Variants in CFAP57 observed in about 807,000 individuals in gnomAD.
CFAP57 encodes the protein cilia- and flagella-associated protein 57.
Under a neutral mutation model 146.8 loss-of-function variants are expected in CFAP57, and 116 were observed. That is an observed-to-expected ratio of 0.79 (90% CI 0.68 to 0.92). The LOEUF (loss-of-function observed/expected upper bound fraction) is 0.92. CFAP57 is among the 40% of genes least tolerant of loss of function. The pLI, the probability that CFAP57 is intolerant of heterozygous loss-of-function variation, is 0.00. For missense variants in CFAP57, 1,377 were observed against 1,527.2 expected (o/e 0.90, Z 1.64); for synonymous variants, 518 against 552.8 (o/e 0.94, Z 0.88).
intron 2 of CFAP57, among the ~76,000 whole-genome samples, chr1:43,176,169 T>C (rs1475872762): frequency 6.6e-6 from 1 of 152,124 alleles, no homozygotes; most frequent in Admixed American, 6.5e-5. Flanking sequence ...AGAGACAGCC[T>C]GGGAAGAAAC....
intron 18 of CFAP57, among the ~76,000 whole-genome samples, chr1:43,229,113 G>C (rs1645370093): frequency 6.7e-6 from 1 of 149,060 alleles, no homozygotes; most frequent in Non-Finnish European, 1.5e-5. Context: ...AGGAAGAGCA[G>C]AGGCCCCACC....
intron 9 of CFAP57, among the ~76,000 whole-genome samples, chr1:43,204,462 A>T (rs946716820): frequency 1.3e-5 from 2 of 152,062 alleles, no homozygotes; most frequent in African/African-American, 4.8e-5. Context: ...TAGACAATAT[A>T]TTGTAGCAGT....
chr1:43,244,603 A>G (rs562234576), intron 22 of CFAP57, among the ~76,000 whole-genome samples: 43 of 152,256 alleles, frequency 2.8e-4, no homozygotes, highest in African/African-American at 9.9e-4. Flanking sequence ...AGCGTGTGTC[A>G]TAAAGACTGA....
intron 13 of CFAP57, 113 bp downstream of exon 13, chr1:43,219,650 T>C: frequency 7.5e-7 from 1 of 1,327,968 alleles, no homozygotes; most frequent in Non-Finnish European, 1.0e-6. Context: ...TGTGAAAATG[T>C]CCAATTTTAA....
chr1:43,176,319 G>C (rs372803237), intron 2 of CFAP57, among the ~76,000 whole-genome samples: 2 of 152,182 alleles, frequency 1.3e-5, no homozygotes, highest in Non-Finnish European at 2.9e-5. Flanking sequence ...AAGGGGTACA[G>C]CCAGAGAAAG....
chr1:43,243,090 C>A, intron 21 of CFAP57, 137 bp from the exon 22 acceptor site: 1 of 1,043,592 alleles, frequency 9.6e-7, no homozygotes, highest in Non-Finnish European at 1.3e-6. Flanking sequence ...AAGGCTCAGG[C>A]CCCAATAGAG....
At chr1:43,222,031 C>T (rs79533911) in intron 14 of CFAP57, 74 bp from the exon 15 acceptor site, 38,515 of 1,323,468 alleles carry the variant, frequency 0.029, 884 homozygotes, top group African/African-American at 0.1. Context: ...GATGGGAGAG[C>T]GCCCAAGGCT....
At chr1:43,198,383 T>C in intron 7 of CFAP57, 98 bp from the exon 8 acceptor site, 1 of 1,346,852 alleles carries the variant, frequency 7.4e-7, no homozygotes, top group Non-Finnish European at 1.0e-6. Flanking sequence ...CAGTAGTGTG[T>C]CTCAAATACG....
intron 11 of CFAP57, chr1:43,210,233 G>A: frequency 6.7e-7 from 1 of 1,495,732 alleles, no homozygotes; most frequent in Non-Finnish European, 8.9e-7. Flanking sequence ...GACCACAGCT[G>A]CCTCCTCCTC....
intron 11 of CFAP57, among the ~76,000 whole-genome samples, chr1:43,213,510 G>C (rs896244787): frequency 2.7e-5 from 4 of 147,406 alleles, no homozygotes; most frequent in Non-Finnish European, 3.0e-5. Flanking sequence ...ATATGGGGGG[G>C]GCGGTGGAGC....
intron 8 of CFAP57, among the ~76,000 whole-genome samples, chr1:43,199,116 C>T (rs1643996520): frequency 6.6e-6 from 1 of 152,180 alleles, no homozygotes; most frequent in South Asian, 2.1e-4. Context: ...GGCTCTGAAA[C>T]ATGCTTCTAC....
chr1:43,174,182 A>G (rs1184200785), intron 2 of CFAP57, among the ~76,000 whole-genome samples: 1 of 152,170 alleles, frequency 6.6e-6, no homozygotes, highest in African/African-American at 2.4e-5. Flanking sequence ...AGATATATAT[A>G]TATGTCTTGC....
intron 13 of CFAP57, among the ~76,000 whole-genome samples, chr1:43,220,337 TAAATA>T (rs1644996703): frequency 6.6e-6 from 1 of 152,322 alleles, no homozygotes; most frequent in African/African-American, 2.4e-5. Context: ...GTCAGGAAGT[TAAATA>T]AAATTAGTCT....
At chr1:43,200,362 C>T (rs682180) in intron 9 of CFAP57, among the ~76,000 whole-genome samples, 7,767 of 151,692 alleles carry the variant, frequency 0.051, 249 homozygotes, top group Middle Eastern at 0.086. Flanking sequence ...TGGCACACAC[C>T]TGTGGTCCCA....
intron 9 of CFAP57, among the ~76,000 whole-genome samples, chr1:43,200,498 AG>A (rs200008857): frequency 1.6e-4 from 23 of 146,070 alleles, no homozygotes; most frequent in East Asian, 1.4e-3. Flanking sequence ...AAAAAAAAAA[AG>A]AAAGAAAGAA....
intron 16 of CFAP57, among the ~76,000 whole-genome samples, chr1:43,223,607 C>T (rs192225449): frequency 6.6e-6 from 1 of 152,220 alleles, no homozygotes; most frequent in Admixed American, 6.5e-5. Flanking sequence ...TTAGAAAGCA[C>T]ACTAGTAAAT....
intron 17 of CFAP57, among the ~76,000 whole-genome samples, chr1:43,226,719 G>A (rs1426956640): frequency 1.3e-5 from 2 of 152,242 alleles, no homozygotes; most frequent in East Asian, 1.9e-4. Context: ...TGCTGTGGGG[G>A]CCATCGTTGG....
At chr1:43,206,967 C>T (rs755431437) in intron 10 of CFAP57, 35 bp downstream of exon 10, 4 of 1,601,584 alleles carry the variant, frequency 2.5e-6, no homozygotes, top group African/African-American at 1.3e-5. Flanking sequence ...TGGGCTGGTG[C>T]ACGGATCTGC....
Position 43,224,033 on chromosome 1 carries a change from T to C in CFAP57, c.2707-13T>C. On this transcript the variant is annotated splice_polypyrimidine_tract_variant and intron_variant, in intron 16 of 22. Transcript: ENST00000372492. ...ACTTTAGTGGTCTTTGTTGTTGCTG[T>C]TCGCTTTTCTAGTTCAGCAGCCTAC... The C allele has an allele frequency of 6.5e-7, 1 of 1,550,246 alleles. No individual in the cohort carries two copies. The highest frequency in any genetic ancestry group is 1.4e-5 in the African/African-American group (1 of 73,152).
Sources: allele counts gnomAD v4.1 joint callset (sites outside exome capture counted in the v4.1 genomes callset), GRCh38; gene constraint gnomAD v4.1.1; transcripts MANE v1.5; gene names NCBI Gene and HGNC (gene_info 2026-07-23, HGNC 2026-07-21).